Variants in PRKG2 observed in about 807,000 individuals in gnomAD.
PRKG2 encodes cGMP-dependent protein kinase 2.
A neutral mutation model predicts 97.2 loss-of-function variants in PRKG2; 33 were observed. The observed-to-expected ratio is 0.34, with a 90% CI of 0.26 to 0.45. The LOEUF (loss-of-function observed/expected upper bound fraction) is 0.45. Among genes scored for constraint, PRKG2 ranks in the 20% least tolerant of loss-of-function variants. The pLI, the probability that PRKG2 is intolerant of heterozygous loss-of-function variation, is 1.00. For missense variants in PRKG2, 638 were observed against 900.0 expected (o/e 0.71, Z 3.73); for synonymous variants, 330 against 321.8 (o/e 1.03, Z -0.27).
At chr4:81,118,019 C>T (rs1004967526) in intron 14 of PRKG2, among the ~76,000 whole-genome samples, 2 of 152,198 alleles carry the variant, frequency 1.3e-5, no homozygotes, top group Admixed American at 1.3e-4. Flanking sequence ...CCCCAAACCC[C>T]ACCAACCACT....
chr4:81,103,834 C>A (rs1434775075), intron 17 of PRKG2, among the ~76,000 whole-genome samples: 1 of 152,026 alleles, frequency 6.6e-6, no homozygotes, highest in Non-Finnish European at 1.5e-5. Context: ...AGTTTGAGAC[C>A]AGCCTGGCCA....
chr4:81,094,469 A>C (rs1741918220), intron 17 of PRKG2, among the ~76,000 whole-genome samples: 1 of 152,192 alleles, frequency 6.6e-6, no homozygotes, highest in South Asian at 2.1e-4. Flanking sequence ...GAGAAGCTAC[A>C]CAGCTTAAAG....
intron 2 of PRKG2, among the ~76,000 whole-genome samples, chr4:81,190,661 T>C (rs1427558076): frequency 6.6e-6 from 1 of 152,102 alleles, no homozygotes; most frequent in African/African-American, 2.4e-5. Flanking sequence ...ACCTACAGAA[T>C]GGGAGAAAAA....
chr4:81,181,040 T>C (rs1371068357), intron 2 of PRKG2, among the ~76,000 whole-genome samples: 1 of 141,872 alleles, frequency 7.0e-6, no homozygotes, highest in African/African-American at 2.5e-5. Flanking sequence ...TGTGTCCATG[T>C]GTTCTCAATG....
chr4:81,202,101 C>T (rs1560625854), intron 2 of PRKG2, among the ~76,000 whole-genome samples: 2 of 152,186 alleles, frequency 1.3e-5, no homozygotes, highest in African/African-American at 2.4e-5. Flanking sequence ...GTATACTGTA[C>T]ATCATCCTTT....
chr4:81,096,926 G>A (rs1742171586), intron 17 of PRKG2, among the ~76,000 whole-genome samples: 1 of 152,104 alleles, frequency 6.6e-6, no homozygotes, highest in Non-Finnish European at 1.5e-5. Flanking sequence ...AACCTCCTCT[G>A]ATAAATCACA....
intron 9 of PRKG2, among the ~76,000 whole-genome samples, chr4:81,148,121 A>G (rs1033323776): frequency 8.5e-5 from 13 of 152,188 alleles, no homozygotes; most frequent in Admixed American, 5.9e-4. Flanking sequence ...TGTTGTATTT[A>G]ACAGTCAACT....
chr4:81,174,928 T>C lies in PRKG2; in HGVS notation c.493A>G (p.Lys165Glu), dbSNP rs1750794073. 2 of 1,612,324 alleles carry C rather than the reference T, an allele frequency of 1.2e-6. No homozygotes were observed. The highest frequency in any genetic ancestry group is 1.7e-6 in the Non-Finnish European group (2 of 1,178,820). Residue 165 changes from lysine to glutamate, a missense_variant, in exon 3 of 19, where the codon AAA becomes GAA. This residue lies in a region of PRKG2 where 332 missense variants were observed against 421.7 expected (regional missense o/e 0.79). Transcript: ENST00000264399. Reference sequence around the variant, plus strand: ...TCCAGTCTTTTCAGAAACTGATTTTTATTAAGGGCATCTGTAATGAGCTTC... The same window carrying C: ...TCCAGTCTTTTCAGAAACTGATTTTCATTAAGGGCATCTGTAATGAGCTTC... ...EKKLITDALN[K>E]NQFLKRLDPQ...
chr4:81,147,216 G>A (rs1332537215), intron 9 of PRKG2, among the ~76,000 whole-genome samples: 4 of 152,074 alleles, frequency 2.6e-5, no homozygotes, highest in African/African-American at 7.2e-5. Flanking sequence ...TGTGGTGTAT[G>A]TGATTACAAT....
chr4:81,214,130 C>A (rs1235513670), intron 1 of PRKG2, among the ~76,000 whole-genome samples: 1 of 130,480 alleles, frequency 7.7e-6, no homozygotes, highest in Non-Finnish European at 1.6e-5. Flanking sequence ...GGGGTGGGGG[C>A]AGGTGTATGT....
intron 14 of PRKG2, among the ~76,000 whole-genome samples, chr4:81,112,096 CT>C (rs1744050420): frequency 6.6e-6 from 1 of 152,002 alleles, no homozygotes; most frequent in Non-Finnish European, 1.5e-5. Flanking sequence ...CTTAATTTAC[CT>C]TAAATAAACC....
At chr4:81,139,039 A>T (rs1379554919) in intron 12 of PRKG2, among the ~76,000 whole-genome samples, 2 of 152,166 alleles carry the variant, frequency 1.3e-5, no homozygotes, top group Non-Finnish European at 2.9e-5. Flanking sequence ...AATCACTAAA[A>T]CTACACTCTG....
In PRKG2 at chr4:81,148,966, T is replaced by C. The variant is rs746922250; in HGVS notation, c.1086-14A>G. 1.9e-6 allele frequency: 3 copies of C among 1,611,584 alleles called. No homozygotes were observed. The highest frequency in any genetic ancestry group is 2.2e-5 in the East Asian group (1 of 44,830). ...CTGACATCATCACTGCAAACAAAAA[T>C]AGGAAAGTCAATTTTCACTATAATT... On this transcript the variant is annotated splice_polypyrimidine_tract_variant and intron_variant, in intron 8 of 18. Coordinates refer to ENST00000264399, the MANE Select transcript of PRKG2 (RefSeq NM_006259.3).
chr4:81,118,922 G>T (rs888774252), intron 14 of PRKG2, among the ~76,000 whole-genome samples: 7 of 152,258 alleles, frequency 4.6e-5, no homozygotes, highest in African/African-American at 1.7e-4. Flanking sequence ...AGGCTCCCAA[G>T]TAGCTGGGAC....
rs752737126 is a variant in PRKG2 at position 81,140,684 on chromosome 4, G to A, written c.1408-15C>T. On this transcript the variant is annotated splice_polypyrimidine_tract_variant and intron_variant, in intron 11 of 18. Coordinates refer to ENST00000264399, the MANE Select transcript of PRKG2 (RefSeq NM_006259.3). ...TTTACTTTAACCTATGTAAGAAATG[G>A]AAAGATACCTCAAAATTAACTTATA... 6.3e-7 allele frequency: 1 copy of A among 1,588,204 alleles called. No homozygotes were observed. The highest frequency in any genetic ancestry group is 1.1e-5 in the South Asian group (1 of 89,814).
chr4:81,125,830 C>G (rs1517552), intron 14 of PRKG2, among the ~76,000 whole-genome samples: 2 of 151,792 alleles, frequency 1.3e-5, no homozygotes, highest in African/African-American at 2.4e-5. Context: ...TTCCTTGATG[C>G]CTACTGACGT....
In PRKG2 at chr4:81,176,943, T is replaced by C. The variant is rs1289077221; in HGVS notation, c.462-1984A>G. 3.3e-5 allele frequency among the ~76,000 whole-genome samples: 5 copies of C among 152,132 alleles called. No individual in the cohort carries two copies. The East Asian group carries it at 9.6e-4, about 29-fold the overall frequency. On this transcript the variant is annotated intron_variant, in intron 2 of 18. Coordinates refer to ENST00000264399, the MANE Select transcript of PRKG2 (RefSeq NM_006259.3). The stretch of plus-strand genomic sequence containing the variant: ...TATTTACTATTTTCTACAACATGGC[T>C]CCAATCTATCCATCTAGTACTTACT...
intron 14 of PRKG2, among the ~76,000 whole-genome samples, chr4:81,115,230 A>T (rs1283482591): frequency 6.6e-6 from 1 of 152,196 alleles, no homozygotes; most frequent in South Asian, 2.1e-4. Flanking sequence ...ACCCCTTTGT[A>T]TAAGAGTTCT....
At chr4:81,187,042 A>G (rs28844140) in intron 2 of PRKG2, among the ~76,000 whole-genome samples, 34,666 of 152,086 alleles carry the variant, frequency 0.23, 7,838 homozygotes, top group African/African-American at 0.58. Flanking sequence ...ATTCTACCAG[A>G]TATACAAAGA....
Sources: gnomAD v4.1 joint callset for allele counts (sites outside exome capture counted in the v4.1 genomes callset) on GRCh38, gnomAD v4.1.1 for gene constraint, gnomAD v4.1.1 regional missense constraint, MANE v1.5 for transcripts, NCBI Gene and HGNC (gene_info 2026-07-23, HGNC 2026-07-21) for gene names.